FBXL17: variants seen among roughly 807,000 people sequenced by gnomAD.
The protein encoded by FBXL17 is F-box/LRR-repeat protein 17.
A neutral mutation model predicts 66.2 loss-of-function variants in FBXL17; 22 were observed. The ratio of observed to expected loss-of-function variants is 0.33; its 90% confidence interval spans 0.24 to 0.47. FBXL17 has a LOEUF of 0.47. Among genes scored for constraint, FBXL17 ranks in the 20% least tolerant of loss-of-function variants. The pLI, the probability that FBXL17 is intolerant of heterozygous loss-of-function variation, is 1.00. For missense variants in FBXL17, 878 were observed against 948.2 expected (o/e 0.93, Z 0.97); for synonymous variants, 474 against 400.5 (o/e 1.18, Z -2.19).
intron 6 of FBXL17, among the ~76,000 whole-genome samples, chr5:108,066,083 A>G (rs113445699): frequency 0.017 from 2,525 of 152,260 alleles, 75 homozygotes; most frequent in African/African-American, 0.058. Flanking sequence ...GCTAAGAAGA[A>G]GAAGGAGGGA....
Position 107,861,345 on chromosome 5 carries a change from TC to T in FBXL17, c.*374del, listed in dbSNP as rs35423470. ...ATCATCAGTAGAAGTGCACAATTCA[TC>T]CCATGTAAAAAGAAGGCCTTCTTAC... On this transcript the variant is annotated 3_prime_UTR_variant, in exon 9 of 9. Coordinates refer to ENST00000542267, the MANE Select transcript of FBXL17 (RefSeq NM_001163315.3). 25,266 of 153,798 alleles carry T rather than the reference TC, an allele frequency of 0.16. 2,288 individuals carry two copies. Among genetic ancestry groups the T allele is most frequent in the Middle Eastern group, 0.28 (82 of 298 alleles). 9.5% of individuals were successfully genotyped at this position (153,798 alleles called of 1,614,324 possible). A position where few individuals can be genotyped will look rare whatever the true frequency, so the allele number is the denominator to read the frequency against.
intron 3 of FBXL17, among the ~76,000 whole-genome samples, chr5:108,349,476 A>G (rs779998641): frequency 6.6e-6 from 1 of 152,170 alleles, no homozygotes; most frequent in Non-Finnish European, 1.5e-5. Flanking sequence ...CATCAGAAAT[A>G]TATGTGAGTT....
At chr5:108,240,861 GGA>G (rs1755824946) in intron 4 of FBXL17, among the ~76,000 whole-genome samples, 1 of 152,078 alleles carries the variant, frequency 6.6e-6, no homozygotes, top group East Asian at 1.9e-4. Flanking sequence ...CTCAGTGCAG[GGA>G]GAGAGACAGA....
intron 7 of FBXL17, among the ~76,000 whole-genome samples, chr5:107,978,453 T>C (rs552898818): frequency 1.3e-5 from 2 of 152,334 alleles, no homozygotes; most frequent in South Asian, 4.1e-4. Context: ...TATCCAGCCA[T>C]TGTTCCAGAG....
intron 6 of FBXL17, among the ~76,000 whole-genome samples, chr5:108,106,976 G>C (rs1725489184): frequency 6.6e-6 from 1 of 151,878 alleles, no homozygotes; most frequent in South Asian, 2.1e-4. Flanking sequence ...TTAAAGAGGT[G>C]AAAAAAATTA....
At chr5:107,930,288 G>T (rs1003032967) in intron 7 of FBXL17, among the ~76,000 whole-genome samples, 3 of 151,858 alleles carry the variant, frequency 2.0e-5, no homozygotes, top group African/African-American at 7.3e-5. Flanking sequence ...CATTTCCTTC[G>T]ACTCACCAAA....
rs541479801 is a variant in FBXL17, at chr5:108,098,580, C to T, written c.1746-77579G>A. The stretch of plus-strand genomic sequence containing the variant: ...CTAACACGGTCAAACCCCGTCTCTA[C>T]TAAAAATACAAAAAATTAGCCGGGC... On this transcript the variant is annotated intron_variant, in intron 6 of 8. Coordinates refer to ENST00000542267, the MANE Select transcript of FBXL17 (RefSeq NM_001163315.3). Among the ~76,000 whole-genome samples, 3 of 151,936 alleles carry T rather than the reference C, an allele frequency of 2.0e-5. No homozygotes were observed. The East Asian group carries it at 5.8e-4, about 30-fold the overall frequency.
In FBXL17 at chr5:107,924,653, C is replaced by T. The variant is rs141351658; in HGVS notation, c.1823-43474G>A. 4.1e-3 allele frequency among the ~76,000 whole-genome samples: 623 copies of T among 152,284 alleles called. 10 individuals carry two copies. Among genetic ancestry groups the T allele is most frequent in the East Asian group, 6.2e-3 (32 of 5,172 alleles). On this transcript the variant is annotated intron_variant, in intron 7 of 8. Transcript: ENST00000542267. ...TCAATGTACCCAGCATCTTTATACT[C>T]TACAGTTCAGCAATTCTGGACTTAA...
intron 6 of FBXL17, among the ~76,000 whole-genome samples, chr5:108,060,659 G>C (rs1014453615): frequency 2.0e-5 from 3 of 151,908 alleles, no homozygotes; most frequent in African/African-American, 7.3e-5. Context: ...AAATCTCTCA[G>C]TTCCCATAGA....
intron 7 of FBXL17, among the ~76,000 whole-genome samples, chr5:107,889,416 A>C (rs1561519184): frequency 6.6e-6 from 1 of 152,226 alleles, no homozygotes; most frequent in African/African-American, 2.4e-5. Context: ...TCAAGTGGAA[A>C]AACACAAATA....
At chr5:108,003,012 T>C (rs921927281) in intron 7 of FBXL17, among the ~76,000 whole-genome samples, 2 of 152,196 alleles carry the variant, frequency 1.3e-5, no homozygotes, top group African/African-American at 4.8e-5. Flanking sequence ...ACTAAAATAA[T>C]TGAAATGTAC....
chr5:108,115,320 T>C (rs994783889), intron 6 of FBXL17, among the ~76,000 whole-genome samples: 3 of 152,084 alleles, frequency 2.0e-5, no homozygotes, highest in African/African-American at 7.2e-5. Flanking sequence ...AATATGAGAA[T>C]TGAGTATGTA....
intron 7 of FBXL17, among the ~76,000 whole-genome samples, chr5:108,003,994 T>C (rs1753834611): frequency 6.6e-6 from 1 of 151,986 alleles, no homozygotes. Context: ...CTGAACGTGA[T>C]AAATAAAAAG....
chr5:108,149,731 C>T (rs534663115), intron 6 of FBXL17, among the ~76,000 whole-genome samples: 19 of 152,226 alleles, frequency 1.2e-4, no homozygotes, highest in African/African-American at 4.1e-4. Context: ...TTACTGTGAA[C>T]GGAAAAAAAT....
rs193130188 is a variant in FBXL17 at position 108,103,442 on chromosome 5, A to G, written c.1746-82441T>C. 4.6e-5 allele frequency among the ~76,000 whole-genome samples: 7 copies of G among 152,346 alleles called. No individual in the cohort carries two copies. In the East Asian group the frequency reaches 1.2e-3, roughly 25 times the overall value. On this transcript the variant is annotated intron_variant, in intron 6 of 8. Coordinates refer to ENST00000542267, the MANE Select transcript of FBXL17 (RefSeq NM_001163315.3). ...ACAATACATTTATTTGCTACTGTTA[A>G]AAATAATCTTTTGGTCAGTGGATCC...
intron 4 of FBXL17, among the ~76,000 whole-genome samples, chr5:108,265,825 G>C (rs1410981965): frequency 6.6e-6 from 1 of 152,112 alleles, no homozygotes. Context: ...TGGGTCTGGG[G>C]TAGAACCTGA....
chr5:108,217,643 T>A lies in FBXL17; in HGVS notation c.1614+6478A>T, dbSNP rs1754664110. Among the ~76,000 whole-genome samples, 4 of 150,498 alleles carry A rather than the reference T, an allele frequency of 2.7e-5. No individual in the cohort carries two copies. The South Asian group carries it at 8.5e-4, about 32-fold the overall frequency. ...CAATATAGTTACTTACTATAGTAAATATGTACTATATGTACTATGTACTAT... is the reference window on the plus strand; with the variant it reads ...CAATATAGTTACTTACTATAGTAAAAATGTACTATATGTACTATGTACTAT... On this transcript the variant is annotated intron_variant, in intron 5 of 8. Transcript: ENST00000542267.
At chr5:108,095,261 A>AT (rs1749325793) in intron 6 of FBXL17, among the ~76,000 whole-genome samples, 1 of 149,846 alleles carries the variant, frequency 6.7e-6, no homozygotes, top group Non-Finnish European at 1.5e-5. Context: ...AAAAAAAAAA[A>AT]TTTTACCTAC....
chr5:108,257,337 T>A (rs1451150188), intron 4 of FBXL17, among the ~76,000 whole-genome samples: 2 of 152,102 alleles, frequency 1.3e-5, no homozygotes, highest in Non-Finnish European at 2.9e-5. Context: ...ATTGAATAAT[T>A]TAATGATAAC....
Sources: gnomAD v4.1 joint callset for allele counts (sites outside exome capture counted in the v4.1 genomes callset) on GRCh38, gnomAD v4.1.1 for gene constraint, MANE v1.5 for transcripts, NCBI Gene and HGNC (gene_info 2026-07-23, HGNC 2026-07-21) for gene names.